The following PDE8B variants were observed in gnomAD, a reference collection of about 807,000 sequenced individuals.
PDE8B encodes the protein phosphodiesterase 8B, also known as high affinity cAMP-specific and IBMX-insensitive 3',5'-cyclic phosphodiesterase 8B.
Under a neutral mutation model 101.3 loss-of-function variants are expected in PDE8B, and 26 were observed. The ratio of observed to expected loss-of-function variants is 0.26; its 90% CI spans 0.19 to 0.36. The LOEUF (loss-of-function observed/expected upper bound fraction) is 0.36, where lower values mean the gene tolerates loss of function less well. Ranked by LOEUF, PDE8B falls within the 10% of genes least tolerant of loss-of-function variation. PDE8B has a pLI of 1.00. For missense variants in PDE8B, 810 were observed against 1,163.1 expected (o/e 0.70, Z 4.42); for synonymous variants, 424 against 429.3 (o/e 0.99, Z 0.15).
intron 10 of PDE8B, among the ~76,000 whole-genome samples, chr5:77,396,213 G>A (rs1791025042): frequency 6.6e-6 from 1 of 152,210 alleles, no homozygotes; most frequent in African/African-American, 2.4e-5. Flanking sequence ...GCAGTTACTT[G>A]GGTTTTGCCC....
chr5:77,302,572 A>G (rs1395075086), intron 1 of PDE8B, among the ~76,000 whole-genome samples: 2 of 152,132 alleles, frequency 1.3e-5, no homozygotes, highest in East Asian at 1.9e-4. Context: ...TCCTCTTTCC[A>G]TGCTCATTGT....
At chr5:77,132,225 A>G in the PDE8B span, among the ~76,000 whole-genome samples, 5 of 152,328 alleles carry the variant, frequency 3.3e-5, no homozygotes, top group African/African-American at 7.2e-5. Flanking sequence ...ACCAAATAGA[A>G]CAAGCCCATG....
chr5:77,422,426 T>G (rs1796862949), intron 20 of PDE8B, among the ~76,000 whole-genome samples: 1 of 151,962 alleles, frequency 6.6e-6, no homozygotes, highest in Non-Finnish European at 1.5e-5. Context: ...AAAAATGAAG[T>G]GTATCTCAAG....
intron 1 of PDE8B, among the ~76,000 whole-genome samples, chr5:77,306,960 A>G (rs774613758): frequency 1.3e-5 from 2 of 152,072 alleles, no homozygotes; most frequent in Non-Finnish European, 2.9e-5. Flanking sequence ...AGTTTTTGCT[A>G]AATCTCTGTT....
At chr5:77,180,249 G>A in the PDE8B span, among the ~76,000 whole-genome samples, 2 of 152,198 alleles carry the variant, frequency 1.3e-5, no homozygotes, top group Non-Finnish European at 2.9e-5. Context: ...CCAGGCACCC[G>A]CCGGCCCGGG....
At chr5:77,422,719 G>A (rs1316367895) in intron 20 of PDE8B, among the ~76,000 whole-genome samples, 4 of 139,302 alleles carry the variant, frequency 2.9e-5, no homozygotes, top group Non-Finnish European at 4.9e-5. Flanking sequence ...TCTAAGCACT[G>A]ATGGGTGTGT....
At chr5:77,375,416 T>G (rs1785874154) in intron 10 of PDE8B, among the ~76,000 whole-genome samples, 1 of 152,212 alleles carries the variant, frequency 6.6e-6, no homozygotes, top group African/African-American at 2.4e-5. Flanking sequence ...TTTAAATTCC[T>G]GCTTTCAGAC....
At chr5:77,400,598 A>G (rs1033209916) in intron 11 of PDE8B, among the ~76,000 whole-genome samples, 1 of 152,206 alleles carries the variant, frequency 6.6e-6, no homozygotes. Flanking sequence ...TAGGGGAGAC[A>G]CTGGTTGAAT....
chr5:77,127,046 T>G, the PDE8B span, among the ~76,000 whole-genome samples: 1 of 152,120 alleles, frequency 6.6e-6, no homozygotes, highest in Non-Finnish European at 1.5e-5. Context: ...TGCTCCCAGG[T>G]CAATAAATTC....
At chr5:77,389,677 A>G (rs1789493270) in intron 10 of PDE8B, among the ~76,000 whole-genome samples, 1 of 152,110 alleles carries the variant, frequency 6.6e-6, no homozygotes, top group Non-Finnish European at 1.5e-5. Flanking sequence ...AGAGGTGACC[A>G]CTTTTCTGAA....
chr5:77,414,638 G>A (rs980024455), intron 17 of PDE8B, among the ~76,000 whole-genome samples: 6 of 150,924 alleles, frequency 4.0e-5, no homozygotes, highest in African/African-American at 1.5e-4. Context: ...CACCATGTTG[G>A]CCAGGATGGT....
At chr5:77,124,241 A>T in the PDE8B span, among the ~76,000 whole-genome samples, 1 of 152,194 alleles carries the variant, frequency 6.6e-6, no homozygotes, top group African/African-American at 2.4e-5. Context: ...CAAGACTCAG[A>T]CCCAGAAACA....
At chr5:77,403,492 T>C (rs1174564499) in intron 11 of PDE8B, among the ~76,000 whole-genome samples, 2 of 152,184 alleles carry the variant, frequency 1.3e-5, no homozygotes, top group African/African-American at 4.8e-5. Context: ...TCTCTATAAG[T>C]TTCATTAGTA....
At chr5:77,381,666 A>G (rs1404883974) in intron 10 of PDE8B, among the ~76,000 whole-genome samples, 1 of 151,798 alleles carries the variant, frequency 6.6e-6, no homozygotes, top group African/African-American at 2.4e-5. Flanking sequence ...ACTAAGAGGG[A>G]TGTTTTCATA....
chr5:77,295,804 A>G (rs1179651834), intron 1 of PDE8B, among the ~76,000 whole-genome samples: 1 of 152,224 alleles, frequency 6.6e-6, no homozygotes, highest in Non-Finnish European at 1.5e-5. Flanking sequence ...TGATCTGGTA[A>G]TTTGGAAGTG....
At chr5:77,220,593 G>A (rs1005065585) in intron 1 of PDE8B, among the ~76,000 whole-genome samples, 1 of 152,176 alleles carries the variant, frequency 6.6e-6, no homozygotes, top group South Asian at 2.1e-4. Context: ...ATAGAAACAT[G>A]TTATATGTGG....
chr5:77,251,533 G>C (rs1332326480), intron 1 of PDE8B, among the ~76,000 whole-genome samples: 1 of 152,150 alleles, frequency 6.6e-6, no homozygotes, highest in African/African-American at 2.4e-5. Context: ...GGGAATTGTT[G>C]GTTCTCCTGA....
Position 77,418,516 on chromosome 5 carries a change from C to G in PDE8B, c.2129+70C>G, listed in dbSNP as rs899508328. 18 of 1,046,984 alleles carry G rather than the reference C, an allele frequency of 1.7e-5. No homozygotes were observed. In the African/African-American group the frequency reaches 2.0e-4, roughly 12 times the overall value. The allele number at this position is 1,046,984 out of a possible 1,614,324, so 64.9% of individuals were successfully genotyped here. On this transcript the variant is annotated intron_variant, in intron 18 of 21. Coordinates refer to ENST00000264917, the MANE Select transcript of PDE8B (RefSeq NM_003719.5). ...GTGGTTTTCCCAAATACTTAGCTTC[C>G]TCTTAGGGGAAAGGGAAAATATTAG...
chr5:77,399,275 C>A (rs1032660121), intron 10 of PDE8B, among the ~76,000 whole-genome samples: 3 of 152,180 alleles, frequency 2.0e-5, no homozygotes, highest in Non-Finnish European at 4.4e-5. Flanking sequence ...GGAGGCCATC[C>A]CGGAACTGGG....
Sources: allele counts gnomAD v4.1 joint callset (sites outside exome capture counted in the v4.1 genomes callset), GRCh38; gene constraint gnomAD v4.1.1; transcripts MANE v1.5; gene names NCBI Gene and HGNC (gene_info 2026-07-23, HGNC 2026-07-21).